Variants in CACNA1C observed in about 807,000 individuals in gnomAD.
CACNA1C encodes voltage-dependent L-type calcium channel subunit alpha-1C.
In CACNA1C, 30 loss-of-function variants were observed where a neutral mutation model predicts 229.0. That is an observed-to-expected ratio of 0.13 (90% CI 0.10 to 0.18). The LOEUF (loss-of-function observed/expected upper bound fraction) is 0.18, where lower values mean the gene tolerates loss of function less well. CACNA1C is among the 10% of genes least tolerant of loss of function. The pLI is 1.00. For synonymous variants in CACNA1C, 1,114 were observed against 1,132.5 expected (o/e 0.98, Z 0.33); for missense variants, 1,658 against 2,845.0 (o/e 0.58, Z 9.49).
intron 3 of CACNA1C, among the ~76,000 whole-genome samples, chr12:2,256,331 A>G (rs1342907973): frequency 6.6e-6 from 1 of 152,234 alleles, no homozygotes; most frequent in Non-Finnish European, 1.5e-5. Context: ...TGGTGTCTTA[A>G]AAATGACTTA....
At position 2,319,509 on chromosome 12, in the gene CACNA1C, AC is replaced by A. The variant is rs1389094097; in HGVS notation, c.478-129462del. On this transcript the variant is annotated intron_variant, in intron 3 of 46. Transcript: ENST00000399655. The surrounding 1 kb of genome is among the most constrained non-coding windows in gnomAD (Gnocchi z 4.0). ...CAGGCCCCTGACACCCTGGCTCCGA[AC>A]CCCCAGCAGCCAGCGGGTGGGTTGG... 2.6e-5 allele frequency among the ~76,000 whole-genome samples: 4 copies of A among 151,830 alleles called. No individual in the cohort carries two copies. The highest frequency in any genetic ancestry group is 5.9e-5 in the Non-Finnish European group (4 of 67,928).
At chr12:2,290,803 C>T (rs570339909) in intron 3 of CACNA1C, among the ~76,000 whole-genome samples, 6 of 152,280 alleles carry the variant, frequency 3.9e-5, no homozygotes, top group Non-Finnish European at 8.8e-5. Flanking sequence ...GGAGGTAGGT[C>T]TCCCAGGGAT....
chr12:2,260,190 G>A (rs1236635232), intron 3 of CACNA1C, among the ~76,000 whole-genome samples: 2 of 152,098 alleles, frequency 1.3e-5, no homozygotes, highest in Non-Finnish European at 2.9e-5. Context: ...AAAAAGAGAA[G>A]TATGGGCTGA....
intron 3 of CACNA1C, among the ~76,000 whole-genome samples, chr12:2,441,138 C>T (rs2099221225): frequency 6.6e-6 from 1 of 152,204 alleles, no homozygotes; most frequent in Admixed American, 6.5e-5. Context: ...CTGGGCTTCT[C>T]ATCAATTCTG....
intron 3 of CACNA1C, among the ~76,000 whole-genome samples, chr12:2,304,784 A>C (rs764208650): frequency 4.6e-5 from 7 of 152,188 alleles, no homozygotes; most frequent in South Asian, 2.1e-4. Flanking sequence ...TGCTCCTTGC[A>C]TCCAAATGCA....
intron 42 of CACNA1C, chr12:2,682,090 C>CCCTTGATTCTGA: frequency 8.2e-7 from 1 of 1,215,150 alleles, no homozygotes; most frequent in Non-Finnish European, 1.2e-6. Context: ...CCCCAGGGTG[C>CCCTTGATTCTGA]CAGTGTCAGA....
At position 2,677,189 on chromosome 12, in the gene CACNA1C, A is replaced by C; in HGVS notation, c.4924A>C (p.Lys1642Gln). Residue 1642 changes from lysine (K) to glutamine (Q), a missense_variant, in exon 40 of 47, where the codon AAG (lysine) becomes CAG (glutamine). Coordinates refer to ENST00000399655, the MANE Select transcript of CACNA1C (RefSeq NM_000719.7). The surrounding 1 kb of genome is among the most constrained non-coding windows in gnomAD (Gnocchi z 7.4). ...GCGCAAAGAGCAGGGCCTTGTGGGCAAGCCCTCCCAGAGGAACGCGCTGTC... is the reference window on the plus strand; with the variant it reads ...GCGCAAAGAGCAGGGCCTTGTGGGCCAGCCCTCCCAGAGGAACGCGCTGTC... The part of the protein sequence containing the change: ...KKRKEQGLVG[K>Q]PSQRNALSLQ... 5 of 1,613,802 alleles carry C rather than the reference A, an allele frequency of 3.1e-6. No homozygotes were observed. The highest frequency in any genetic ancestry group is 4.2e-6 in the Non-Finnish European group (5 of 1,179,836).
chr12:2,200,266 C>T (rs1480634099), intron 3 of CACNA1C, among the ~76,000 whole-genome samples: 1 of 152,222 alleles, frequency 6.6e-6, no homozygotes, highest in Non-Finnish European at 1.5e-5. Context: ...ATTCAGTACT[C>T]AGTCTGTAAG....
chr12:2,169,399 A>G (rs2096383198), intron 3 of CACNA1C, among the ~76,000 whole-genome samples: 1 of 152,222 alleles, frequency 6.6e-6, no homozygotes, highest in South Asian at 2.1e-4. Flanking sequence ...TTTGCTAGGC[A>G]TCTGAGCTTG....
intron 3 of CACNA1C, among the ~76,000 whole-genome samples, chr12:2,340,874 G>A (rs1372993126): frequency 4.6e-5 from 7 of 152,134 alleles, no homozygotes; most frequent in Middle Eastern, 3.4e-3. Context: ...GGAGAATGGC[G>A]TGAAGCTGGG....
At chr12:2,182,131 C>CAAAAA (rs56365126) in intron 3 of CACNA1C, among the ~76,000 whole-genome samples, 1 of 86,700 alleles carries the variant, frequency 1.2e-5, no homozygotes, top group Non-Finnish European at 2.3e-5. Flanking sequence ...TTTCTGTCTG[C>CAAAAA]AAAAAAAAAA....
rs1197250864 is a variant in CACNA1C at position 2,319,550 on chromosome 12, A to G, written c.478-129426A>G. Among the ~76,000 whole-genome samples the G allele has an allele frequency of 6.6e-6, 1 of 151,968 alleles. No homozygotes were observed. Among genetic ancestry groups the G allele is most frequent in the Non-Finnish European group, 1.5e-5 (1 of 67,956 alleles). ...GGGTGGGTTGGATTCCAGGGTCTCC[A>G]CTCAGGGGCATTGCCGGGTGAGCCT... On this transcript the variant is annotated intron_variant, in intron 3 of 46. Coordinates refer to ENST00000399655, the MANE Select transcript of CACNA1C (RefSeq NM_000719.7). The surrounding 1 kb of genome is among the most constrained non-coding windows in gnomAD (Gnocchi z 4.0).
chr12:2,454,973 G>A (rs942027629), intron 4 of CACNA1C, among the ~76,000 whole-genome samples: 2 of 151,976 alleles, frequency 1.3e-5, no homozygotes, highest in Non-Finnish European at 2.9e-5. Context: ...GACGCCCTTC[G>A]CATGCACCCA....
intron 1 of CACNA1C, among the ~76,000 whole-genome samples, chr12:2,075,964 G>A (rs550837781): frequency 6.6e-6 from 1 of 152,310 alleles, no homozygotes; most frequent in African/African-American, 2.4e-5. Context: ...AGAGATAAAA[G>A]TCAGGGAGGT....
At chr12:2,088,492 A>G (rs977377100) in intron 1 of CACNA1C, among the ~76,000 whole-genome samples, 4 of 152,220 alleles carry the variant, frequency 2.6e-5, no homozygotes, top group Non-Finnish European at 5.9e-5. Flanking sequence ...TCATCTGTGA[A>G]GTGGGCGTCA....
chr12:2,559,682 G>A (rs2046440565), intron 11 of CACNA1C, among the ~76,000 whole-genome samples: 1 of 152,210 alleles, frequency 6.6e-6, no homozygotes, highest in Non-Finnish European at 1.5e-5. Flanking sequence ...CAGGGCTCTA[G>A]TATGGCTGAG....
At chr12:1,983,160 T>TTG (rs1470710881) in intron 1 of CACNA1C, among the ~76,000 whole-genome samples, 1 of 151,978 alleles carries the variant, frequency 6.6e-6, no homozygotes, top group Non-Finnish European at 1.5e-5. Flanking sequence ...GGCCAGGTGT[T>TTG]TACCAGTTTT....
At chr12:2,676,913 A>C in intron 39 of CACNA1C, 181 bp from the exon 40 acceptor site, 1 of 529,710 alleles carries the variant, frequency 1.9e-6, no homozygotes, top group Non-Finnish European at 3.4e-6. Context: ...GGTGGGAGAG[A>C]CTTTTGACCA....
At chr12:1,973,551 T>C (rs1430593048) in intron 1 of CACNA1C, among the ~76,000 whole-genome samples, 1 of 152,222 alleles carries the variant, frequency 6.6e-6, no homozygotes, top group Non-Finnish European at 1.5e-5. Flanking sequence ...TGGATTCATG[T>C]TATATCATTC....
Sources: allele counts gnomAD v4.1 joint callset (sites outside exome capture counted in the v4.1 genomes callset), GRCh38; gene constraint gnomAD v4.1.1; non-coding constraint Gnocchi (gnomAD v3.1); transcripts MANE v1.5; gene names NCBI Gene and HGNC (gene_info 2026-07-23, HGNC 2026-07-21).